The following LDLRAD3 variants were observed in gnomAD, a reference collection of about 807,000 sequenced individuals.
LDLRAD3 encodes the protein low-density lipoprotein receptor class A domain-containing protein 3.
Under a neutral mutation model 29.4 loss-of-function variants are expected in LDLRAD3, and 20 were observed. The observed-to-expected ratio is 0.68, with a 90% confidence interval of 0.48 to 0.99. The LOEUF is 0.99. Among genes scored for constraint, LDLRAD3 ranks in the 50% least tolerant of loss-of-function variants. LDLRAD3 has a pLI of 0.00. For missense variants in LDLRAD3, 420 were observed against 454.3 expected (o/e 0.92, Z 0.69); for synonymous variants, 157 against 192.7 (o/e 0.81, Z 1.53).
intron 4 of LDLRAD3, among the ~76,000 whole-genome samples, chr11:36,155,805 A>G (rs1365654055): frequency 6.6e-6 from 1 of 152,096 alleles, no homozygotes; most frequent in African/African-American, 2.4e-5. Context: ...TTCAATGGAA[A>G]CTAGAGTGGG....
At chr11:36,087,214 C>G (rs2133262598) in intron 3 of LDLRAD3, among the ~76,000 whole-genome samples, 1 of 152,006 alleles carries the variant, frequency 6.6e-6, no homozygotes, top group African/African-American at 2.4e-5. Context: ...GATGTGTGGA[C>G]CATATTTGAA....
At chr11:36,140,990 CTT>C (rs1491118450) in intron 4 of LDLRAD3, among the ~76,000 whole-genome samples, 17 of 101,948 alleles carry the variant, frequency 1.7e-4, no homozygotes, top group African/African-American at 7.4e-4. Flanking sequence ...TGCTGTTGAG[CTT>C]TCTCTCTCTC....
intron 1 of LDLRAD3, among the ~76,000 whole-genome samples, chr11:35,964,775 C>T (rs771707176): frequency 6.6e-6 from 1 of 152,084 alleles, no homozygotes; most frequent in Non-Finnish European, 1.5e-5. Context: ...ATCACTTGAG[C>T]CCTGGCGTTC....
intron 4 of LDLRAD3, among the ~76,000 whole-genome samples, chr11:36,189,863 A>T (rs1854914286): frequency 6.6e-6 from 1 of 152,194 alleles, no homozygotes; most frequent in Non-Finnish European, 1.5e-5. Context: ...TTTGCTGAGA[A>T]TGATGACTTC....
At chr11:36,201,898 C>T (rs188941575) in intron 4 of LDLRAD3, among the ~76,000 whole-genome samples, 34 of 152,348 alleles carry the variant, frequency 2.2e-4, no homozygotes, top group African/African-American at 7.2e-4. Context: ...GCATAGCATG[C>T]ATCATTGTCC....
intron 2 of LDLRAD3, among the ~76,000 whole-genome samples, chr11:36,071,598 T>C (rs1256651531): frequency 6.6e-6 from 1 of 152,210 alleles, no homozygotes. Context: ...ACATATTATG[T>C]AGCAAAAACA....
At chr11:36,211,989 G>T (rs1855289159) in intron 4 of LDLRAD3, among the ~76,000 whole-genome samples, 1 of 152,208 alleles carries the variant, frequency 6.6e-6, no homozygotes, top group Non-Finnish European at 1.5e-5. Flanking sequence ...TGAGTTCAAA[G>T]AATGTCTGCT....
chr11:35,994,695 A>G (rs1851732318), intron 1 of LDLRAD3, among the ~76,000 whole-genome samples: 1 of 152,240 alleles, frequency 6.6e-6, no homozygotes, highest in Admixed American at 6.5e-5. Flanking sequence ...CTTTATGCGC[A>G]GAACAACTTC....
chr11:36,214,154 C>T (rs1855321369), intron 4 of LDLRAD3, among the ~76,000 whole-genome samples: 3 of 152,100 alleles, frequency 2.0e-5, no homozygotes, highest in South Asian at 4.1e-4. Flanking sequence ...TTGTTCTAGG[C>T]GTGGCTGGCT....
chr11:36,187,161 T>G (rs1854863821), intron 4 of LDLRAD3, among the ~76,000 whole-genome samples: 1 of 152,204 alleles, frequency 6.6e-6, no homozygotes, highest in African/African-American at 2.4e-5. Flanking sequence ...AGGGTTTTTT[T>G]TACTCTTTTA....
chr11:36,042,993 A>G (rs530369430), intron 2 of LDLRAD3, among the ~76,000 whole-genome samples: 3 of 147,258 alleles, frequency 2.0e-5, no homozygotes, highest in South Asian at 4.5e-4. Flanking sequence ...ACGACCATCA[A>G]ACTATCTCCT....
chr11:35,992,670 T>A (rs530226661), intron 1 of LDLRAD3, among the ~76,000 whole-genome samples: 1 of 152,250 alleles, frequency 6.6e-6, no homozygotes, highest in East Asian at 1.9e-4. Context: ...AGAAAGTAGA[T>A]AGGTGGTTGC....
intron 2 of LDLRAD3, among the ~76,000 whole-genome samples, chr11:36,053,743 C>T (rs1348961693): frequency 6.6e-6 from 1 of 152,188 alleles, no homozygotes; most frequent in Non-Finnish European, 1.5e-5. Context: ...ATTAAGATCT[C>T]TCTTCAGTGC....
intron 2 of LDLRAD3, among the ~76,000 whole-genome samples, chr11:36,075,220 G>A (rs1852977046): frequency 6.6e-6 from 1 of 152,154 alleles, no homozygotes; most frequent in Admixed American, 6.5e-5. Flanking sequence ...TGTTGCTGGA[G>A]GAATTAAGCA....
intron 4 of LDLRAD3, among the ~76,000 whole-genome samples, chr11:36,191,538 G>GTCTCTCTCTCTCTCTCTCTCTC (rs751965155): frequency 7.2e-5 from 4 of 55,692 alleles, no homozygotes; most frequent in Non-Finnish European, 1.3e-4. Flanking sequence ...GCAAGACCCT[G>GTCTCTCTCTCTCTCTCTCTCTC]TCTCTCTCTC....
chr11:36,174,481 T>TA (rs1565279236), intron 4 of LDLRAD3, among the ~76,000 whole-genome samples: 1 of 152,158 alleles, frequency 6.6e-6, no homozygotes, highest in African/African-American at 2.4e-5. Flanking sequence ...AAAGGGCTAA[T>TA]ATCCAGAAGC....
chr11:36,199,902 C>T (rs891062664), intron 4 of LDLRAD3, among the ~76,000 whole-genome samples: 1 of 152,142 alleles, frequency 6.6e-6, no homozygotes, highest in African/African-American at 2.4e-5. Context: ...TGTGGTGGCT[C>T]ATGCCTGTAA....
chr11:36,101,888 T>C, intron 4 of LDLRAD3: 2 of 216,556 alleles, frequency 9.2e-6, no homozygotes, highest in Non-Finnish European at 1.8e-5. Flanking sequence ...CTGTCATCTT[T>C]TTTTTTTTTT....
chr11:36,062,309 C>T (rs1158242927), intron 2 of LDLRAD3, among the ~76,000 whole-genome samples: 4 of 152,162 alleles, frequency 2.6e-5, no homozygotes, highest in Non-Finnish European at 4.4e-5. Flanking sequence ...TGACCTTTCC[C>T]TAGTACAGGG....
Sources: gnomAD v4.1 joint callset for allele counts (sites outside exome capture counted in the v4.1 genomes callset) on GRCh38, gnomAD v4.1.1 for gene constraint, MANE v1.5 for transcripts, NCBI Gene and HGNC (gene_info 2026-07-23, HGNC 2026-07-21) for gene names.